The following GABRB1 variants were observed in gnomAD, a reference collection of about 807,000 sequenced individuals.
GABRB1 encodes the protein gamma-aminobutyric acid receptor subunit beta-1.
A neutral mutation model predicts 51.6 loss-of-function variants in GABRB1; 17 were observed. The observed-to-expected ratio is 0.33, with a 90% CI of 0.23 to 0.49. The LOEUF (loss-of-function observed/expected upper bound fraction) is 0.49. Among genes scored for constraint, GABRB1 ranks in the 20% least tolerant of loss-of-function variants. The pLI is 0.99. For synonymous variants in GABRB1, 247 were observed against 218.9 expected (o/e 1.13, Z -1.14); for missense variants, 410 against 600.6 (o/e 0.68, Z 3.32).
intron 4 of GABRB1, among the ~76,000 whole-genome samples, chr4:47,179,637 C>T (rs1040498492): frequency 1.1e-4 from 16 of 152,000 alleles, no homozygotes; most frequent in Admixed American, 2.0e-4. Context: ...AATAACTTTC[C>T]TATATAGTAT....
intron 3 of GABRB1, among the ~76,000 whole-genome samples, chr4:47,094,169 A>G (rs559368964): frequency 1.1e-4 from 17 of 151,260 alleles, no homozygotes; most frequent in African/African-American, 3.9e-4. Context: ...AAGTTTTTAA[A>G]CTATAGTTTT....
intron 4 of GABRB1, among the ~76,000 whole-genome samples, chr4:47,314,885 C>A (rs1724830312): frequency 6.6e-6 from 1 of 151,846 alleles, no homozygotes; most frequent in Admixed American, 6.6e-5. Flanking sequence ...CCATCCAACT[C>A]AAGATGGATT....
intron 3 of GABRB1, among the ~76,000 whole-genome samples, chr4:47,130,325 CTGTGTGTGTGTGTGTGTGTG>C (rs67244692): frequency 3.9e-4 from 52 of 133,660 alleles, no homozygotes; most frequent in South Asian, 1.0e-3. Flanking sequence ...GCTCCAGATA[CTGTGTGTGTGTGTGTGTGTG>C]TGTGTGTGTG....
At chr4:47,164,261 C>T (rs1264069229) in intron 4 of GABRB1, among the ~76,000 whole-genome samples, 1 of 152,054 alleles carries the variant, frequency 6.6e-6, no homozygotes, top group African/African-American at 2.4e-5. Context: ...AATTCCATTG[C>T]TTCTGTGATC....
chr4:47,246,377 T>C (rs1372259392), intron 4 of GABRB1, among the ~76,000 whole-genome samples: 2 of 45,416 alleles, frequency 4.4e-5, no homozygotes, highest in South Asian at 6.0e-4. Flanking sequence ...TATATATATA[T>C]ATATATATAT....
At chr4:47,022,170 C>G (rs986230070) in intron 1 of GABRB1, among the ~76,000 whole-genome samples, 1 of 152,048 alleles carries the variant, frequency 6.6e-6, no homozygotes, top group African/African-American at 2.4e-5. Context: ...ATTTGCTTCT[C>G]ACTTTATTTT....
chr4:47,053,260 CT>C (rs1726436330), intron 3 of GABRB1, among the ~76,000 whole-genome samples: 1 of 152,150 alleles, frequency 6.6e-6, no homozygotes, highest in African/African-American at 2.4e-5. Flanking sequence ...ATCATAGGCT[CT>C]GTGGCTATAA....
At chr4:47,243,182 G>A (rs1721599885) in intron 4 of GABRB1, among the ~76,000 whole-genome samples, 1 of 152,192 alleles carries the variant, frequency 6.6e-6, no homozygotes, top group Non-Finnish European at 1.5e-5. Flanking sequence ...GTTTGTCAAA[G>A]ATCAGATGGT....
intron 5 of GABRB1, among the ~76,000 whole-genome samples, chr4:47,399,922 C>T (rs539446431): frequency 1.3e-5 from 2 of 152,240 alleles, no homozygotes; most frequent in African/African-American, 4.8e-5. Flanking sequence ...ACTGGCATGA[C>T]CTGGTATATT....
chr4:47,378,262 G>T (rs541250719), intron 5 of GABRB1, among the ~76,000 whole-genome samples: 2 of 152,330 alleles, frequency 1.3e-5, no homozygotes, highest in African/African-American at 4.8e-5. Flanking sequence ...CTGATGGGGG[G>T]ACCCAGCACA....
At chr4:47,147,049 A>T (rs565074448) in intron 3 of GABRB1, among the ~76,000 whole-genome samples, 1 of 152,112 alleles carries the variant, frequency 6.6e-6, no homozygotes, top group South Asian at 2.1e-4. Context: ...TAGAGAGTGG[A>T]TAAGGCACAT....
chr4:47,282,297 A>G (rs1333334295), intron 4 of GABRB1, among the ~76,000 whole-genome samples: 6 of 152,254 alleles, frequency 3.9e-5, no homozygotes, highest in Admixed American at 6.5e-5. Context: ...CCCATCTACC[A>G]ATGCCTGAAA....
At chr4:47,001,344 G>C (rs191758928) in intron 1 of GABRB1, among the ~76,000 whole-genome samples, 1 of 151,964 alleles carries the variant, frequency 6.6e-6, no homozygotes, top group Non-Finnish European at 1.5e-5. Flanking sequence ...TGGTTTCACC[G>C]TGTTAGCCAG....
At chr4:47,256,670 C>A (rs867610372) in intron 4 of GABRB1, among the ~76,000 whole-genome samples, 1 of 152,142 alleles carries the variant, frequency 6.6e-6, no homozygotes, top group Non-Finnish European at 1.5e-5. Context: ...CATATTTTCA[C>A]ATGGTGGAGC....
At chr4:47,191,875 G>A (rs930471063) in intron 4 of GABRB1, among the ~76,000 whole-genome samples, 1 of 152,018 alleles carries the variant, frequency 6.6e-6, no homozygotes, top group South Asian at 2.1e-4. Flanking sequence ...CTAAACTCTT[G>A]TAATTGGAAA....
At chr4:47,077,424 A>G (rs1727605340) in intron 3 of GABRB1, among the ~76,000 whole-genome samples, 1 of 152,220 alleles carries the variant, frequency 6.6e-6, no homozygotes, top group South Asian at 2.1e-4. Flanking sequence ...CCTGCAGCAT[A>G]GTAGAAAAAT....
chr4:47,089,137 A>G (rs1728192957), intron 3 of GABRB1, among the ~76,000 whole-genome samples: 2 of 152,152 alleles, frequency 1.3e-5, no homozygotes, highest in South Asian at 4.1e-4. Flanking sequence ...TGAAGAGGAG[A>G]TAGGGGAAAA....
At chr4:47,372,763 G>A (rs1334005942) in intron 5 of GABRB1, among the ~76,000 whole-genome samples, 1 of 152,212 alleles carries the variant, frequency 6.6e-6, no homozygotes. Context: ...GATGTTCTCT[G>A]TATGGCAGGC....
intron 4 of GABRB1, among the ~76,000 whole-genome samples, chr4:47,312,863 T>A (rs533257678): frequency 6.6e-6 from 1 of 152,128 alleles, no homozygotes; most frequent in East Asian, 1.9e-4. Context: ...TGTGTATTTG[T>A]GTGTGTGTGT....
Sources: allele counts gnomAD v4.1 joint callset (sites outside exome capture counted in the v4.1 genomes callset), GRCh38; gene constraint gnomAD v4.1.1; transcripts MANE v1.5; gene names NCBI Gene and HGNC (gene_info 2026-07-23, HGNC 2026-07-21).